The following EGFLAM variants were observed in gnomAD, a reference collection of about 807,000 sequenced individuals.
EGFLAM encodes pikachurin.
In EGFLAM, 79 loss-of-function variants were observed where a neutral mutation model predicts 113.1. The ratio of observed to expected loss-of-function variants is 0.70; its 90% CI spans 0.58 to 0.84. EGFLAM has a LOEUF of 0.84. Among genes scored for constraint, EGFLAM ranks in the 40% least tolerant of loss-of-function variants. EGFLAM has a pLI of 0.00. For synonymous variants in EGFLAM, 504 were observed against 487.6 expected (o/e 1.03, Z -0.44); for missense variants, 1,265 against 1,291.6 (o/e 0.98, Z 0.32).
rs1741300423 is a variant in EGFLAM at position 38,406,808 on chromosome 5, C to T, written c.829-20C>T. The T allele has an allele frequency of 6.2e-7, 1 of 1,607,162 alleles. No homozygotes were observed. The highest frequency in any genetic ancestry group is 8.5e-7 in the Non-Finnish European group (1 of 1,175,282). On this transcript the variant is annotated intron_variant, in intron 7 of 21. Transcript: ENST00000322350. ...CATGCTCTGTGTTCATCTTGAACCC[C>T]TTTCCTTCTCTGGCTTTAGGTTAAA...
chr5:38,310,415 A>G (rs1738401254), intron 1 of EGFLAM, among the ~76,000 whole-genome samples: 1 of 152,186 alleles, frequency 6.6e-6, no homozygotes, highest in Admixed American at 6.5e-5. Context: ...TGAAGATTAA[A>G]TGAGTTCTAC....
intron 1 of EGFLAM, among the ~76,000 whole-genome samples, chr5:38,264,011 C>T (rs1357820490): frequency 1.3e-5 from 2 of 152,162 alleles, no homozygotes; most frequent in Non-Finnish European, 2.9e-5. Flanking sequence ...TCGTTTGTCT[C>T]TCTACAAGGT....
chr5:38,401,838 G>A (rs549180539), intron 6 of EGFLAM: 1 of 152,340 alleles, frequency 6.6e-6, no homozygotes, highest in African/African-American at 2.4e-5. Flanking sequence ...TTACACGTGT[G>A]TTGACTTTAT....
chr5:38,275,101 A>C (rs1463795944), intron 1 of EGFLAM, among the ~76,000 whole-genome samples: 1 of 152,196 alleles, frequency 6.6e-6, no homozygotes, highest in African/African-American at 2.4e-5. Flanking sequence ...CACACTAAAA[A>C]CAAAAGGAAA....
At chr5:38,394,050 C>T in intron 6 of EGFLAM, among the ~76,000 whole-genome samples, 1 of 152,114 alleles carries the variant, frequency 6.6e-6, no homozygotes. Flanking sequence ...ATCTCCGAAG[C>T]CGCACCGTCT....
intron 1 of EGFLAM, among the ~76,000 whole-genome samples, chr5:38,272,320 T>C (rs997672523): frequency 1.1e-4 from 17 of 152,080 alleles, no homozygotes; most frequent in Non-Finnish European, 1.5e-5. Context: ...TGAAAAGTAG[T>C]AGGTGGGGAG....
At chr5:38,425,918 C>T (rs1011642435) in intron 13 of EGFLAM, among the ~76,000 whole-genome samples, 2 of 152,224 alleles carry the variant, frequency 1.3e-5, no homozygotes, top group African/African-American at 2.4e-5. Flanking sequence ...ACGAGGCCAA[C>T]GTGGTGAAAC....
At chr5:38,403,663 C>T (rs1302081196) in intron 6 of EGFLAM, 5 of 1,089,272 alleles carry the variant, frequency 4.6e-6, no homozygotes, top group African/African-American at 1.6e-5. Flanking sequence ...CATCGTGCTA[C>T]TCAGAACTTA....
chr5:38,384,150 A>G (rs543761481), intron 6 of EGFLAM, among the ~76,000 whole-genome samples: 31 of 152,134 alleles, frequency 2.0e-4, no homozygotes, highest in Non-Finnish European at 4.1e-4. Flanking sequence ...AGGCAATTTT[A>G]TATTGCTTTA....
At chr5:38,293,167 C>A (rs915439215) in intron 1 of EGFLAM, among the ~76,000 whole-genome samples, 4 of 152,124 alleles carry the variant, frequency 2.6e-5, no homozygotes, top group Admixed American at 2.6e-4. Flanking sequence ...ACTATGAAGA[C>A]CCTTGACTTT....
Position 38,463,931 on chromosome 5 carries a change from C to G in EGFLAM, c.2975C>G (p.Ser992Cys). 6.2e-7 allele frequency: 1 copy of G among 1,614,238 alleles called. No homozygotes were observed. The highest frequency in any genetic ancestry group is 8.5e-7 in the Non-Finnish European group (1 of 1,180,046). The change falls in exon 22 of 22, where the codon TCC (serine) becomes TGC (cysteine). Residue 992 changes from serine to cysteine, a missense_variant. Transcript: ENST00000322350. ...HFTLSTDYHI[S>C]LVEDAVDGKN... is the part of the protein sequence containing the mutation. ...ACCCTGTCCACCGATTACCACATTT[C>G]CCTCGTGGAAGATGCCGTGGATGGG...
At chr5:38,283,267 C>T (rs757162391) in intron 1 of EGFLAM, among the ~76,000 whole-genome samples, 1 of 152,096 alleles carries the variant, frequency 6.6e-6, no homozygotes, top group Non-Finnish European at 1.5e-5. Context: ...CCACCTCCAA[C>T]AATTACTGGA....
chr5:38,428,204 T>C (rs1009592104), intron 14 of EGFLAM, among the ~76,000 whole-genome samples: 1 of 152,260 alleles, frequency 6.6e-6, no homozygotes, highest in Non-Finnish European at 1.5e-5. Flanking sequence ...CTGTTTTCAA[T>C]CTTTATCCAT....
Position 38,424,978 on chromosome 5 carries a change from A to C in EGFLAM, c.1696A>C (p.Ser566Arg), listed in dbSNP as rs1365775983. 3.1e-6 allele frequency: 5 copies of C among 1,613,812 alleles called. No individual in the cohort carries two copies. In the African/African-American group the frequency reaches 5.3e-5, roughly 17 times the overall value. ...CATTCTGTATTTAGGGGAATGCAGC[A>C]GTGGAATCTGTGATGAGGCCTCGTG... The part of the protein sequence containing the change: ...LSGADVGECS[S>R]GICDEASCIH... Residue 566 changes from serine to arginine, a missense_variant, in exon 13 of 22, where the codon AGT becomes CGT. By Grantham distance (110) the Ser-to-Arg change is moderately radical (BLOSUM62 -1). Transcript: ENST00000322350.
intron 6 of EGFLAM, among the ~76,000 whole-genome samples, chr5:38,373,784 G>A (rs1484709614): frequency 6.6e-6 from 1 of 152,160 alleles, no homozygotes; most frequent in Admixed American, 6.5e-5. Context: ...GCCCAGTAGT[G>A]GGATTGCTGG....
At chr5:38,345,830 G>A (rs1034319335) in intron 3 of EGFLAM, 1 of 152,180 alleles carries the variant, frequency 6.6e-6, no homozygotes, top group Admixed American at 6.5e-5. Context: ...AGTGGTGATG[G>A]TAAGACCTTT....
chr5:38,292,373 G>A (rs528890081), intron 1 of EGFLAM, among the ~76,000 whole-genome samples: 11 of 152,314 alleles, frequency 7.2e-5, no homozygotes, highest in African/African-American at 2.6e-4. Context: ...CGTGTTTCAT[G>A]TGTTTGTCAC....
intron 1 of EGFLAM, among the ~76,000 whole-genome samples, chr5:38,298,141 G>T (rs1370435810): frequency 6.6e-6 from 1 of 152,200 alleles, no homozygotes; most frequent in Non-Finnish European, 1.5e-5. Flanking sequence ...AGAGCAGGGG[G>T]GAGATGGTTT....
chr5:38,366,250 A>G (rs1740056947), intron 5 of EGFLAM, among the ~76,000 whole-genome samples: 1 of 152,162 alleles, frequency 6.6e-6, no homozygotes, highest in African/African-American at 2.4e-5. Flanking sequence ...GGATTCTGGG[A>G]CTTAGACTTT....
Sources: allele counts gnomAD v4.1 joint callset (sites outside exome capture counted in the v4.1 genomes callset), GRCh38; gene constraint gnomAD v4.1.1; transcripts MANE v1.5; gene names NCBI Gene and HGNC (gene_info 2026-07-23, HGNC 2026-07-21).